Variants in FAAP20 observed in about 807,000 individuals in gnomAD.
FAAP20 encodes FA core complex associated protein 20.
FAAP20 carries 12 observed loss-of-function variants against 16.2 expected under a neutral mutation model. That is an observed-to-expected ratio of 0.74 (90% CI 0.48 to 1.20). The LOEUF is 1.20. Among genes scored for constraint, FAAP20 ranks in the 50% most tolerant of loss-of-function variants. FAAP20 has a pLI of 0.00. For missense variants in FAAP20, 288 were observed against 245.8 expected (o/e 1.17, Z -1.15); for synonymous variants, 141 against 110.7 (o/e 1.27, Z -1.72).
chr1:2,189,616 C>CGGGGCTGCTGGCGGGGGAGCCGAGAGGT lies in FAAP20; in HGVS notation c.*92_*93insACCTCTCGGCTCCCCCGCCAGCAGCCCC. On this transcript the variant is annotated 3_prime_UTR_variant, in exon 4 of 4. Coordinates refer to ENST00000378546, the MANE Select transcript of FAAP20 (RefSeq NM_182533.4). Reference sequence around the variant, plus strand: ...ATGCGCATGCGGGGGAGCCGAGAGGCGGGGCTGCTGGCGGGGGAGCCGAGA... The same window carrying CGGGGCTGCTGGCGGGGGAGCCGAGAGGT: ...ATGCGCATGCGGGGGAGCCGAGAGGCGGGGCTGCTGGCGGGGGAGCCGAGAGGTGGGGCTGCTGGCGGGGGAGCCGAGA... 1.1e-6 allele frequency: 1 copy of CGGGGCTGCTGGCGGGGGAGCCGAGAGGT among 945,292 alleles called. No individual in the cohort carries two copies. The highest frequency in any genetic ancestry group is 1.6e-6 in the Non-Finnish European group (1 of 625,774). The allele number at this position is 945,292 out of a possible 1,614,324, so 58.6% of individuals were successfully genotyped here. A position where few individuals can be genotyped will look rare whatever the true frequency, so the allele number is the denominator to read the frequency against.
downstream of FAAP20, among the ~76,000 whole-genome samples, chr1:2,211,034 G>T (rs1689420365): frequency 6.6e-6 from 1 of 152,226 alleles, no homozygotes; most frequent in African/African-American, 2.4e-5. Flanking sequence ...AGAGCTGTGC[G>T]ACCTGGGGCC....
chr1:2,195,699 C>T (rs188745116), upstream of FAAP20, among the ~76,000 whole-genome samples: 14 of 152,356 alleles, frequency 9.2e-5, no homozygotes, highest in South Asian at 4.1e-4. Context: ...CTGTGGAGCC[C>T]GGCCCTGAAC....
chr1:2,186,106 GGA>G (rs1243561834), downstream of FAAP20: 22 of 453,746 alleles, frequency 4.8e-5, no homozygotes, highest in African/African-American at 2.6e-4. Context: ...GAGCTCCCTG[GGA>G]GAGGGGGTCG....
At chr1:2,185,572 G>C, downstream of FAAP20, 1 of 708,052 alleles carries the variant, frequency 1.4e-6, no homozygotes, top group East Asian at 2.7e-5. Context: ...AGTTCCTGTT[G>C]TTCTTCCTGC....
downstream of FAAP20, among the ~76,000 whole-genome samples, chr1:2,186,528 G>A (rs1687626664): frequency 6.6e-6 from 1 of 150,500 alleles, no homozygotes. Context: ...CTTCTAGGTG[G>A]AATGTGGAGA....
upstream of FAAP20, chr1:2,198,204 T>G (rs1688900106): frequency 1.6e-6 from 2 of 1,245,952 alleles, no homozygotes; most frequent in African/African-American, 1.5e-5. Context: ...GAGTTTTTTC[T>G]AAGCCAAAAT....
chr1:2,184,771 C>T, downstream of FAAP20: 2 of 1,470,172 alleles, frequency 1.4e-6, no homozygotes, highest in Non-Finnish European at 9.3e-7. Context: ...CCTTGGGCAG[C>T]TGGTGACCCA....
rs760280006 is a variant in FAAP20, at chr1:2,193,685, C to T, written c.424G>A (p.Ala142Thr). The change falls in exon 3 of 4, where the codon GCG becomes ACG. Residue 142 changes from alanine to threonine, a missense_variant. Physicochemically the swap from Ala to Thr is moderately conservative, Grantham distance 58 (BLOSUM62 0). Transcript: ENST00000378546. Reference sequence around the variant, plus strand: ...CACATGGGGCAGCTGCGCAGGGCCGCGGCACCCTCCACAGACGGCTGCTGC... The same window carrying T: ...CACATGGGGCAGCTGCGCAGGGCCGTGGCACCCTCCACAGACGGCTGCTGC... Reference protein sequence around the residue: ...VEQQPSVEGAAALRSCPMCQK... With the variant: ...VEQQPSVEGATALRSCPMCQK... 30 of 1,599,468 alleles carry T rather than the reference C, an allele frequency of 1.9e-5. No homozygotes were observed. The Admixed American group carries it at 3.6e-4, about 19-fold the overall frequency.
At chr1:2,186,624 G>A (rs1212099373), downstream of FAAP20, among the ~76,000 whole-genome samples, 8 of 152,060 alleles carry the variant, frequency 5.3e-5, no homozygotes, top group Non-Finnish European at 5.9e-5. Flanking sequence ...GAGTCCAGGA[G>A]CCGACCTGGG....
rs1688470029 is a variant in FAAP20, at chr1:2,193,393, T to G, written c.470+246A>C. ...GGACCCGGGGCCAGTGCTCCCAGCC[T>G]TCCTTCTGTGCTGTTCTGTGGGCCC... On this transcript the variant is annotated intron_variant, in intron 3 of 3. Transcript: ENST00000378546. The G allele has an allele frequency of 4.9e-6, 3 of 607,774 alleles. No homozygotes were observed. The South Asian group carries it at 7.2e-5, about 15-fold the overall frequency. 37.6% of individuals were successfully genotyped at this position (607,774 alleles called of 1,614,324 possible).
At chr1:2,189,962 G>T in intron 3 of FAAP20, 181 bp from the exon 4 acceptor site, 1 of 641,210 alleles carries the variant, frequency 1.6e-6, no homozygotes, top group Non-Finnish European at 2.8e-6. Context: ...ACCGCCAGTG[G>T]TGTTTCCACA....
downstream of FAAP20, among the ~76,000 whole-genome samples, chr1:2,188,894 A>G (rs1047473511): frequency 2.0e-5 from 3 of 151,628 alleles, no homozygotes; most frequent in Non-Finnish European, 4.4e-5. Flanking sequence ...AGTCCCAGCT[A>G]CTCGGGAGGC....
chr1:2,187,704 TCCTGC>T (rs1204923813), downstream of FAAP20, among the ~76,000 whole-genome samples: 1 of 151,960 alleles, frequency 6.6e-6, no homozygotes, highest in African/African-American at 2.4e-5. Flanking sequence ...GCCCTGCCCG[TCCTGC>T]CCTGCCCAGC....
downstream of FAAP20, among the ~76,000 whole-genome samples, chr1:2,210,276 C>T (rs530883224): frequency 6.6e-6 from 1 of 152,344 alleles, no homozygotes; most frequent in African/African-American, 2.4e-5. Context: ...CTTTCTGTAT[C>T]GTTTCTGGGA....
At chr1:2,184,761 CCTTGGGCAGCTGGTGA>C (rs1179673289), downstream of FAAP20, 32 of 1,506,202 alleles carry the variant, frequency 2.1e-5, no homozygotes, top group Non-Finnish European at 2.4e-5. Flanking sequence ...CAGGCCGGCA[CCTTGGGCAGCTGGTGA>C]CCCAGCCTGC....
upstream of FAAP20, among the ~76,000 whole-genome samples, chr1:2,202,383 G>C (rs1458554528): frequency 6.6e-6 from 1 of 152,206 alleles, no homozygotes; most frequent in Admixed American, 6.5e-5. Context: ...CTGTTGCCCA[G>C]GCTGGAGTGC....
upstream of FAAP20, chr1:2,201,139 C>G: frequency 7.8e-7 from 1 of 1,280,196 alleles, no homozygotes. Flanking sequence ...TCCAACCCTG[C>G]TTGGTTTGCT....
upstream of FAAP20, chr1:2,203,616 A>C: frequency 1.0e-6 from 1 of 985,916 alleles, no homozygotes; most frequent in South Asian, 4.7e-5. Flanking sequence ...TCCAGGATGC[A>C]GCTGCGTCTG....
chr1:2,208,105 C>T (rs548396963), downstream of FAAP20, among the ~76,000 whole-genome samples: 16 of 152,244 alleles, frequency 1.1e-4, no homozygotes, highest in East Asian at 1.9e-4. Context: ...GAAACTGAGG[C>T]GTGGGAGGCT....
Sources: gnomAD v4.1 joint callset for allele counts (sites outside exome capture counted in the v4.1 genomes callset) on GRCh38, gnomAD v4.1.1 for gene constraint, MANE v1.5 for transcripts, NCBI Gene and HGNC (gene_info 2026-07-23, HGNC 2026-07-21) for gene names.